R3HDM1: variants seen among roughly 807,000 people sequenced by gnomAD.
The protein encoded by R3HDM1 is R3H domain-containing protein 1.
A neutral mutation model predicts 141.1 loss-of-function variants in R3HDM1; 46 were observed. The observed-to-expected ratio is 0.33, with a 90% CI of 0.26 to 0.42. The LOEUF (loss-of-function observed/expected upper bound fraction) is 0.42, where lower values mean the gene tolerates loss of function less well. R3HDM1 is among the 10% of genes least tolerant of loss of function. R3HDM1 has a pLI of 1.00. For synonymous variants in R3HDM1, 435 were observed against 472.9 expected (o/e 0.92, Z 1.04); for missense variants, 1,184 against 1,368.3 (o/e 0.87, Z 2.12).
rs1022595380 is a variant in R3HDM1 at position 135,581,187 on chromosome 2, C to T, written c.-249-21313C>T. The T allele has an allele frequency of 4.1e-6, 4 of 985,050 alleles. No homozygotes were observed. In the African/African-American group the frequency reaches 7.0e-5, roughly 17 times the overall value. 61.0% of individuals were successfully genotyped at this position (985,050 alleles called of 1,614,324 possible). ...CTAAGCAGGAACTAATAATGGTTGC[C>T]TATATTAAGGTAGTAGTGAGGATGG... On this transcript the variant is annotated intron_variant, in intron 1 of 26. Transcript: ENST00000683871.
At chr2:135,573,233 T>C (rs761606034) in intron 1 of R3HDM1, among the ~76,000 whole-genome samples, 1 of 152,238 alleles carries the variant, frequency 6.6e-6, no homozygotes, top group Non-Finnish European at 1.5e-5. Flanking sequence ...TGGTCATCGA[T>C]CTACTGCCTC....
At chr2:135,717,036 A>G (rs1286069654) in intron 24 of R3HDM1, among the ~76,000 whole-genome samples, 2 of 152,244 alleles carry the variant, frequency 1.3e-5, no homozygotes, top group African/African-American at 2.4e-5. Flanking sequence ...CAAGTTACAC[A>G]GACATTTTGA....
intron 3 of R3HDM1, among the ~76,000 whole-genome samples, chr2:135,613,326 C>T (rs999186931): frequency 6.6e-6 from 1 of 152,144 alleles, no homozygotes; most frequent in Non-Finnish European, 1.5e-5. Context: ...GCTCATAGTC[C>T]TCCTTACATG....
At chr2:135,586,395 G>A (rs1707921500) in intron 1 of R3HDM1, 1 of 152,772 alleles carries the variant, frequency 6.5e-6, no homozygotes, top group South Asian at 2.1e-4. Flanking sequence ...TAATCAGCTG[G>A]ATGTGTGCAG....
At chr2:135,553,147 G>A (rs552967191) in intron 1 of R3HDM1, among the ~76,000 whole-genome samples, 23 of 152,248 alleles carry the variant, frequency 1.5e-4, no homozygotes, top group African/African-American at 4.8e-4. Flanking sequence ...TGGGATTACA[G>A]GCATGAGGCA....
chr2:135,655,464 T>C (rs1422312227), intron 18 of R3HDM1, among the ~76,000 whole-genome samples: 2 of 152,074 alleles, frequency 1.3e-5, no homozygotes, highest in Non-Finnish European at 2.9e-5. Flanking sequence ...ACTCCTACTC[T>C]GTTCTTTTTC....
At chr2:135,532,622 T>G (rs966005596) in intron 1 of R3HDM1, among the ~76,000 whole-genome samples, 2 of 152,138 alleles carry the variant, frequency 1.3e-5, no homozygotes, top group Admixed American at 1.3e-4. Context: ...AAGAAACCTT[T>G]TTTAGCTTAA....
At chr2:135,549,957 A>G (rs1003000411) in intron 1 of R3HDM1, 2 of 946,936 alleles carry the variant, frequency 2.1e-6, no homozygotes, top group Non-Finnish European at 1.3e-6. Flanking sequence ...TAACTTTTGT[A>G]TTATAAATTT....
intron 19 of R3HDM1, among the ~76,000 whole-genome samples, chr2:135,673,754 C>T (rs888624931): frequency 9.9e-5 from 15 of 152,140 alleles, no homozygotes; most frequent in African/African-American, 3.4e-4. Context: ...ATAGAAATAA[C>T]ATCATTTTAC....
chr2:135,688,489 CCTTTCT>C (rs2071758952), intron 21 of R3HDM1, among the ~76,000 whole-genome samples: 1 of 150,994 alleles, frequency 6.6e-6, no homozygotes, highest in Non-Finnish European at 1.5e-5. Context: ...TTTTTTTTTT[CCTTTCT>C]CTTGGCTTCT....
chr2:135,722,103 CAAG>C, intron 25 of R3HDM1, 97 bp downstream of exon 25: 2 of 1,163,316 alleles, frequency 1.7e-6, no homozygotes, highest in Non-Finnish European at 2.5e-6. Flanking sequence ...TGGCACTGCC[CAAG>C]AAGAGCTCTG....
intron 21 of R3HDM1, among the ~76,000 whole-genome samples, chr2:135,683,899 T>G (rs1414262254): frequency 6.6e-6 from 1 of 152,030 alleles, no homozygotes; most frequent in Non-Finnish European, 1.5e-5. Flanking sequence ...ATCTAATTAC[T>G]GAAGCACCAG....
At chr2:135,681,990 T>C (rs1463564002) in intron 21 of R3HDM1, among the ~76,000 whole-genome samples, 2 of 151,098 alleles carry the variant, frequency 1.3e-5, no homozygotes, top group South Asian at 2.1e-4. Flanking sequence ...TCGCATTTGT[T>C]GTGTGAGTTT....
chr2:135,594,629 A>G (rs1436808400), intron 1 of R3HDM1, among the ~76,000 whole-genome samples: 1 of 152,212 alleles, frequency 6.6e-6, no homozygotes, highest in Non-Finnish European at 1.5e-5. Context: ...GGTAAAAAAG[A>G]AGAAATTTAT....
chr2:135,645,323 A>G, intron 15 of R3HDM1, 56 bp from the exon 16 acceptor site: 1 of 1,415,842 alleles, frequency 7.1e-7, no homozygotes, highest in Non-Finnish European at 9.7e-7. Flanking sequence ...TAGTAAAAGG[A>G]CCTATTTTCC....
chr2:135,539,587 A>C (rs1467307401), intron 1 of R3HDM1, among the ~76,000 whole-genome samples: 1 of 152,204 alleles, frequency 6.6e-6, no homozygotes, highest in Non-Finnish European at 1.5e-5. Context: ...CCAGACAACC[A>C]TGAAAAAGCG....
chr2:135,568,863 C>T (rs1285184302), intron 1 of R3HDM1: 2 of 152,158 alleles, frequency 1.3e-5, no homozygotes, highest in Non-Finnish European at 2.9e-5. Flanking sequence ...CTTGAGATTT[C>T]ACTGCCCTAA....
At chr2:135,616,279 A>G in intron 4 of R3HDM1, 86 bp downstream of exon 4, 1 of 1,238,346 alleles carries the variant, frequency 8.1e-7, no homozygotes, top group East Asian at 2.4e-5. Flanking sequence ...CACTACATTC[A>G]GTTTAGTTCT....
chr2:135,710,485 C>T (rs755915923), intron 23 of R3HDM1, among the ~76,000 whole-genome samples: 1 of 151,984 alleles, frequency 6.6e-6, no homozygotes, highest in South Asian at 2.1e-4. Context: ...GGTGTAGTGG[C>T]ACATGCAAAA....
Sources: allele counts gnomAD v4.1 joint callset (sites outside exome capture counted in the v4.1 genomes callset), GRCh38; gene constraint gnomAD v4.1.1; transcripts MANE v1.5; gene names NCBI Gene and HGNC (gene_info 2026-07-23, HGNC 2026-07-21).